The following CD96 variants were observed in gnomAD, a reference collection of about 807,000 sequenced individuals.
CD96 encodes the protein CD96 molecule.
CD96 carries 70 observed loss-of-function variants against 71.3 expected under a neutral mutation model. That is an observed-to-expected ratio of 0.98 (90% confidence interval 0.81 to 1.20). The LOEUF (loss-of-function observed/expected upper bound fraction) is 1.20, where lower values mean the gene tolerates loss of function less well. Among genes scored for constraint, CD96 ranks in the 50% most tolerant of loss-of-function variants. The pLI, the probability that CD96 is intolerant of heterozygous loss-of-function variation, is 0.00. For synonymous variants in CD96, 248 were observed against 233.0 expected (o/e 1.06, Z -0.59); for missense variants, 742 against 677.5 (o/e 1.10, Z -1.06).
intron 10 of CD96, among the ~76,000 whole-genome samples, chr3:111,630,370 G>T (rs922512838): frequency 6.6e-6 from 1 of 152,016 alleles, no homozygotes; most frequent in Non-Finnish European, 1.5e-5. Context: ...TTAGAGAAAA[G>T]TATAAACACC....
At chr3:111,563,184 A>C (rs7637867) in intron 2 of CD96, among the ~76,000 whole-genome samples, 18,137 of 152,226 alleles carry the variant, frequency 0.12, 1,177 homozygotes, top group Non-Finnish European at 0.13. Flanking sequence ...TCTAATACTG[A>C]CACAATGGCA....
chr3:111,586,582 A>C (rs1043928993), intron 5 of CD96, among the ~76,000 whole-genome samples: 1 of 152,228 alleles, frequency 6.6e-6, no homozygotes, highest in Non-Finnish European at 1.5e-5. Context: ...AATTGGACTT[A>C]CAGTTGCACA....
At chr3:111,547,310 A>G (rs1218550625) in intron 2 of CD96, among the ~76,000 whole-genome samples, 1 of 152,246 alleles carries the variant, frequency 6.6e-6, no homozygotes, top group East Asian at 1.9e-4. Flanking sequence ...CCAATTAAAT[A>G]TGAGCCCTGC....
intron 2 of CD96, 73 bp downstream of exon 2, chr3:111,545,475 A>C: frequency 3.8e-6 from 4 of 1,041,556 alleles, no homozygotes; most frequent in Non-Finnish European, 6.0e-6. Context: ...TTTTAAGAAA[A>C]GCAAGGTTAG....
intron 10 of CD96, among the ~76,000 whole-genome samples, chr3:111,629,511 T>C (rs1296559820): frequency 6.6e-6 from 1 of 152,182 alleles, no homozygotes; most frequent in Admixed American, 6.5e-5. Flanking sequence ...CTCAGATTCA[T>C]AAAGAAAGTT....
At chr3:111,543,972 T>C (rs987644027) in intron 1 of CD96, among the ~76,000 whole-genome samples, 3 of 152,158 alleles carry the variant, frequency 2.0e-5, no homozygotes, top group African/African-American at 4.8e-5. Flanking sequence ...TGGGCATGAG[T>C]CTGCTGTGGG....
At chr3:111,622,925 G>A (rs1411227257) in intron 8 of CD96, among the ~76,000 whole-genome samples, 10 of 152,168 alleles carry the variant, frequency 6.6e-5, no homozygotes, top group African/African-American at 1.9e-4. Context: ...AAGAGCATAA[G>A]ACATCAGGAA....
At chr3:111,615,934 T>C (rs1485999360) in intron 8 of CD96, among the ~76,000 whole-genome samples, 1 of 152,154 alleles carries the variant, frequency 6.6e-6, no homozygotes. Context: ...TAACCTCACT[T>C]CCTATGCCTG....
At chr3:111,616,095 C>G (rs141083017) in intron 8 of CD96, among the ~76,000 whole-genome samples, 5 of 152,080 alleles carry the variant, frequency 3.3e-5, no homozygotes, top group African/African-American at 1.2e-4. Context: ...CCTTTTTTGG[C>G]TGTATTTTCT....
At chr3:111,547,701 T>C (rs7611250) in intron 2 of CD96, among the ~76,000 whole-genome samples, 4,378 of 152,252 alleles carry the variant, frequency 0.029, 204 homozygotes, top group African/African-American at 0.1. Flanking sequence ...AGAAACCGTA[T>C]CTATACTTTT....
chr3:111,630,785 C>T (rs72494403), intron 10 of CD96, among the ~76,000 whole-genome samples: 2 of 152,152 alleles, frequency 1.3e-5, no homozygotes, highest in Admixed American at 1.3e-4. Context: ...CCAAACTCAG[C>T]AGCACATCAA....
intron 8 of CD96, among the ~76,000 whole-genome samples, chr3:111,622,005 G>A (rs894721477): frequency 6.6e-6 from 1 of 152,132 alleles, no homozygotes; most frequent in Non-Finnish European, 1.5e-5. Context: ...TACAATTACC[G>A]CACAAGAATC....
At chr3:111,551,440 C>G (rs1330854633) in intron 2 of CD96, among the ~76,000 whole-genome samples, 1 of 152,146 alleles carries the variant, frequency 6.6e-6, no homozygotes, top group Admixed American at 6.5e-5. Context: ...TGGGAGATTA[C>G]AGCAGAAGTT....
chr3:111,545,508 G>A (rs1934351216), intron 2 of CD96, 106 bp downstream of exon 2: 1 of 786,714 alleles, frequency 1.3e-6, no homozygotes, highest in Non-Finnish European at 2.2e-6. Context: ...GCATACAAAG[G>A]TTGAGCAGAA....
In CD96 at chr3:111,647,593, G is replaced by A. The variant is rs551116798; in HGVS notation, c.1528G>A (p.Ala510Thr). Reference protein sequence around the residue: ...KDGMSWPVIVAALLFCCMILF... With the variant: ...KDGMSWPVIVTALLFCCMILF... The stretch of plus-strand genomic sequence containing the variant: ...TGGAATGTCCTGGCCAGTGATTGTA[G>A]CAGCTTTACTCTTTTGCTGCATGAT... The change falls in exon 13 of 14, where the codon GCA becomes ACA. Residue 510 changes from alanine to threonine, a missense_variant. Ala to Thr is a moderately conservative substitution (Grantham distance 58). Transcript: ENST00000352690. The A allele has an allele frequency of 2.5e-6, 4 of 1,611,646 alleles. No homozygotes were observed. The East Asian group carries it at 8.9e-5, about 36-fold the overall frequency.
chr3:111,594,178 TTCC>T, intron 5 of CD96: 1 of 1,599,830 alleles, frequency 6.3e-7, no homozygotes, highest in Non-Finnish European at 8.5e-7. Context: ...TTCCCTCCTC[TTCC>T]TCGTCTTCCC....
At chr3:111,606,935 T>C in intron 8 of CD96, 143 bp downstream of exon 8, 2 of 699,540 alleles carry the variant, frequency 2.9e-6, no homozygotes, top group Non-Finnish European at 5.2e-6. Flanking sequence ...TTAACAGCTT[T>C]ATTGAGATAT....
downstream of CD96, among the ~76,000 whole-genome samples, chr3:111,655,121 G>C (rs1222830303): frequency 3.9e-5 from 6 of 152,166 alleles, no homozygotes; most frequent in East Asian, 3.8e-4. Context: ...AGATAATTGG[G>C]TTGCATTGGA....
intron 8 of CD96, among the ~76,000 whole-genome samples, chr3:111,617,567 C>T (rs1391012299): frequency 6.6e-6 from 1 of 152,172 alleles, no homozygotes; most frequent in East Asian, 1.9e-4. Flanking sequence ...AGGAGCTACC[C>T]ACTACAGGTC....
Sources: gnomAD v4.1 joint callset for allele counts (sites outside exome capture counted in the v4.1 genomes callset) on GRCh38, gnomAD v4.1.1 for gene constraint, MANE v1.5 for transcripts, NCBI Gene and HGNC (gene_info 2026-07-23, HGNC 2026-07-21) for gene names.